The following SYT1 variants were observed in gnomAD, a reference collection of about 807,000 sequenced individuals.
SYT1 encodes synaptotagmin-1.
A neutral mutation model predicts 44.8 loss-of-function variants in SYT1; 8 were observed. That is an observed-to-expected ratio of 0.18 (90% CI 0.10 to 0.32). The LOEUF is 0.32. Ranked by LOEUF, SYT1 falls within the 10% of genes least tolerant of loss-of-function variation. The pLI is 1.00. For synonymous variants in SYT1, 154 were observed against 188.8 expected (o/e 0.82, Z 1.51); for missense variants, 286 against 509.3 (o/e 0.56, Z 4.22).
chr12:79,308,062 G>A (rs192432252), intron 8 of SYT1, among the ~76,000 whole-genome samples: 27 of 152,330 alleles, frequency 1.8e-4, no homozygotes, highest in African/African-American at 6.3e-4. Flanking sequence ...CTGCTCCAGA[G>A]ATTTACAGCT....
intron 1 of SYT1, among the ~76,000 whole-genome samples, chr12:78,948,166 G>C (rs1002017946): frequency 1.3e-5 from 2 of 151,592 alleles, no homozygotes; most frequent in Non-Finnish European, 3.0e-5. Context: ...CTATAACTCA[G>C]TATATTAAAG....
intron 4 of SYT1, among the ~76,000 whole-genome samples, chr12:79,226,775 G>A (rs1308221640): frequency 1.3e-5 from 2 of 152,078 alleles, no homozygotes; most frequent in South Asian, 2.1e-4. Context: ...GTAATAGTAT[G>A]TATTTTACAC....
intron 2 of SYT1, chr12:78,995,918 G>A (rs1490507734): frequency 6.6e-5 from 10 of 152,072 alleles, no homozygotes; most frequent in South Asian, 2.1e-4. Flanking sequence ...TAATTTACAC[G>A]GAAAATGACA....
intron 9 of SYT1, among the ~76,000 whole-genome samples, chr12:79,424,362 T>C (rs1181429124): frequency 6.6e-6 from 1 of 152,104 alleles, no homozygotes; most frequent in Non-Finnish European, 1.5e-5. Context: ...ACAAATGCCA[T>C]GGATGTATTG....
intron 2 of SYT1, among the ~76,000 whole-genome samples, chr12:79,025,079 AT>A (rs758057800): frequency 1.8e-4 from 27 of 151,812 alleles, no homozygotes; most frequent in Non-Finnish European, 3.4e-4. Context: ...TAATGAACTA[AT>A]TATTGTGAAT....
chr12:79,100,366 G>A (rs1168411987), intron 3 of SYT1, among the ~76,000 whole-genome samples: 1 of 152,008 alleles, frequency 6.6e-6, no homozygotes, highest in Non-Finnish European at 1.5e-5. Flanking sequence ...ATATCTTAAA[G>A]GTTTTTCAGT....
At chr12:78,917,317 C>T (rs1014518122) in intron 1 of SYT1, among the ~76,000 whole-genome samples, 1 of 151,972 alleles carries the variant, frequency 6.6e-6, no homozygotes, top group African/African-American at 2.4e-5. Flanking sequence ...AATTCTTTAT[C>T]ATCCTGTCTT....
chr12:79,358,779 G>A lies in SYT1; in HGVS notation c.928+5160G>A, dbSNP rs112489094. Among the ~76,000 whole-genome samples, 11 of 152,268 alleles carry A rather than the reference G, an allele frequency of 7.2e-5. 1 individual carries two copies. The highest frequency in any genetic ancestry group is 2.6e-4 in the African/African-American group (11 of 41,556). On this transcript the variant is annotated intron_variant, in intron 9 of 10. Transcript: ENST00000261205. ...CCCCTGCCCAAAGCCGAAACATCAA[G>A]ATGAGGTCGTCACAGTAGGGAAGAC...
chr12:79,051,391 T>C (rs928826301), intron 3 of SYT1, among the ~76,000 whole-genome samples: 1 of 149,984 alleles, frequency 6.7e-6, no homozygotes, highest in Admixed American at 6.7e-5. Flanking sequence ...TTTATTTATT[T>C]ATATTTATAT....
intron 4 of SYT1, among the ~76,000 whole-genome samples, chr12:79,229,502 T>C (rs940756927): frequency 5.3e-5 from 8 of 152,246 alleles, no homozygotes; most frequent in Non-Finnish European, 5.9e-5. Flanking sequence ...TGTCTGTGTG[T>C]GTACTACCGT....
chr12:78,898,959 T>A (rs1377835898), intron 1 of SYT1, among the ~76,000 whole-genome samples: 1 of 152,092 alleles, frequency 6.6e-6, no homozygotes, highest in East Asian at 1.9e-4. Context: ...TAAAATGACC[T>A]GTTGGTTTTG....
At chr12:79,115,997 A>C (rs1688781737) in intron 3 of SYT1, among the ~76,000 whole-genome samples, 1 of 152,220 alleles carries the variant, frequency 6.6e-6, no homozygotes, top group Non-Finnish European at 1.5e-5. Flanking sequence ...TGAACAAGAT[A>C]GCATACAACC....
chr12:78,944,768 G>A (rs1256480991), intron 1 of SYT1, among the ~76,000 whole-genome samples: 2 of 151,886 alleles, frequency 1.3e-5, no homozygotes, highest in African/African-American at 4.8e-5. Flanking sequence ...TACAATTTTG[G>A]AGAAACTAAA....
intron 3 of SYT1, among the ~76,000 whole-genome samples, chr12:79,076,785 G>A (rs1350409145): frequency 3.3e-5 from 5 of 152,074 alleles, no homozygotes; most frequent in African/African-American, 4.8e-5. Context: ...CCTGGCCAAC[G>A]TGGTGAAACC....
chr12:79,371,114 T>C (rs370710772), intron 9 of SYT1, among the ~76,000 whole-genome samples: 1 of 152,222 alleles, frequency 6.6e-6, no homozygotes, highest in South Asian at 2.1e-4. Context: ...ATCCTATTCA[T>C]ACTCTCATGA....
chr12:78,949,371 A>T lies in SYT1; in HGVS notation c.-216-28428A>T, dbSNP rs143133319. On this transcript the variant is annotated intron_variant, in intron 1 of 10. Coordinates refer to ENST00000261205, the MANE Select transcript of SYT1 (RefSeq NM_005639.3). ...TTACTTTTTTAAAGTAATACCAACT[A>T]ACTTCTGTGCAGGTCAATGATAACG... is the stretch of plus-strand genomic sequence containing the variant. 3.6e-3 allele frequency among the ~76,000 whole-genome samples: 551 copies of T among 152,006 alleles called. 2 individuals are homozygous for T. The highest frequency in any genetic ancestry group is 0.012 in the African/African-American group (518 of 41,522).
intron 8 of SYT1, among the ~76,000 whole-genome samples, chr12:79,338,824 C>T (rs1592979631): frequency 6.6e-6 from 1 of 152,006 alleles, no homozygotes; most frequent in Non-Finnish European, 1.5e-5. Flanking sequence ...TCCCCCATCC[C>T]CCGACCCCAC....
intron 9 of SYT1, chr12:79,392,827 T>G (rs565750877): frequency 1.9e-4 from 28 of 151,156 alleles, no homozygotes; most frequent in African/African-American, 6.1e-4. Context: ...AGTTATACTT[T>G]AAGTTCTAGG....
chr12:79,364,749 T>C (rs1883469961), intron 9 of SYT1, among the ~76,000 whole-genome samples: 1 of 152,190 alleles, frequency 6.6e-6, no homozygotes. Context: ...TATGACAGTG[T>C]AATTAACTAA....
Sources: gnomAD v4.1 joint callset for allele counts (sites outside exome capture counted in the v4.1 genomes callset) on GRCh38, gnomAD v4.1.1 for gene constraint, MANE v1.5 for transcripts, NCBI Gene and HGNC (gene_info 2026-07-23, HGNC 2026-07-21) for gene names.